STAT3: variants seen among roughly 807,000 people sequenced by gnomAD.
STAT3 encodes DNA-binding protein APRF.
STAT3 carries 7 observed loss-of-function variants against 114.3 expected under a neutral mutation model. That is an observed-to-expected ratio of 0.06 (90% CI 0.03 to 0.11). The LOEUF (loss-of-function observed/expected upper bound fraction) is 0.11, where lower values mean the gene tolerates loss of function less well. Among genes scored for constraint, STAT3 ranks in the 10% least tolerant of loss-of-function variants. The probability of loss-of-function intolerance (pLI) is 1.00; values close to 1 mark genes in which losing one functional copy is unlikely to be tolerated. For missense variants in STAT3, 364 were observed against 960.9 expected, an observed-to-expected ratio of 0.38 and a Z score of 8.21; for synonymous variants, 331 against 354.5, an observed-to-expected ratio of 0.93 and a Z score of 0.74.
rs188926829 is a variant in STAT3 at position 42,371,537 on chromosome 17, G to T, written c.-24+16742C>A. ...AAAAAAAAAAAAAAATTAGCCAGGC[G>T]TAGTGGCGGGCGCCTATAATCCCAG... On this transcript the variant is annotated intron_variant, in intron 1 of 23. Transcript: ENST00000264657. Among the ~76,000 whole-genome samples the T allele has an allele frequency of 9.9e-5, 15 of 151,264 alleles. No individual in the cohort carries two copies. In the East Asian group the frequency reaches 2.9e-3, roughly 29 times the overall value.
chr17:42,351,260 A>T lies in STAT3; in HGVS notation c.-23-2721T>A, dbSNP rs1030904068. Among the ~76,000 whole-genome samples, 10 of 151,702 alleles carry T rather than the reference A, an allele frequency of 6.6e-5. 1 individual carries two copies. The highest frequency in any genetic ancestry group is 6.8e-3 in the Middle Eastern group (2 of 292). ...AAAACATATTATTATTTATTTATTT[A>T]TTTTTTGGAGACAGGCACTCTGTCA... On this transcript the variant is annotated intron_variant, in intron 1 of 23. Coordinates refer to ENST00000264657, the MANE Select transcript of STAT3 (RefSeq NM_139276.3).
Position 42,333,377 on chromosome 17 carries a change from A to C in STAT3, c.1049+296T>G. Among the ~76,000 whole-genome samples, 1 of 152,140 alleles carries C rather than the reference A, an allele frequency of 6.6e-6. No individual in the cohort carries two copies. The highest frequency in any genetic ancestry group is 2.4e-5 in the African/African-American group (1 of 41,432). On this transcript the variant is annotated intron_variant, in intron 10 of 23. Coordinates refer to ENST00000264657, the MANE Select transcript of STAT3 (RefSeq NM_139276.3). This position sits in a 1 kb window ranked among gnomAD's most constrained non-coding sequence, Gnocchi z 5.2. ...ACAGGGAAGAGTAGCCTCAAAGAAC[A>C]GAAAATAGATGACATTATTTTGTCC...
At chr17:42,335,937 C>T (rs922627380) in intron 8 of STAT3, among the ~76,000 whole-genome samples, 1 of 151,990 alleles carries the variant, frequency 6.6e-6, no homozygotes, top group African/African-American at 2.4e-5. Context: ...GTAACAAAGA[C>T]CAAAAGACCA....
chr17:42,330,107 T>A (rs1298278371), intron 11 of STAT3, among the ~76,000 whole-genome samples: 1 of 149,130 alleles, frequency 6.7e-6, no homozygotes, highest in African/African-American at 2.6e-5. Context: ...GAATGCATTT[T>A]ATCTTTTCTT....
chr17:42,331,032 C>T (rs919583790), intron 11 of STAT3, among the ~76,000 whole-genome samples: 3 of 152,178 alleles, frequency 2.0e-5, no homozygotes, highest in South Asian at 2.1e-4. Context: ...TTACAGCCTA[C>T]GACCAGTAGG....
In STAT3 at chr17:42,316,987, A is replaced by G. The variant is rs1032888895; in HGVS notation, c.2145-86T>C. On this transcript the variant is annotated intron_variant, in intron 22 of 23. Transcript: ENST00000264657. ...AAAAAAAAGAACAAAACACACACACACAAGCCATCAAACTCTGGTCTCCAA... is the reference window on the plus strand; with the variant it reads ...AAAAAAAAGAACAAAACACACACACGCAAGCCATCAAACTCTGGTCTCCAA... The G allele has an allele frequency of 7.0e-6, 11 of 1,570,342 alleles. No homozygotes were observed. In the Admixed American group the frequency reaches 1.8e-4, roughly 25 times the overall value.
Position 42,314,665 on chromosome 17 carries a change from A to G in STAT3, c.*1080T>C, listed in dbSNP as rs2081187151. On this transcript the variant is annotated 3_prime_UTR_variant, in exon 24 of 24. Coordinates refer to ENST00000264657, the MANE Select transcript of STAT3 (RefSeq NM_139276.3). The stretch of plus-strand genomic sequence containing the variant: ...ATACATTACAAAGGAAAATAAGTCT[A>G]TTTATAAAAAAAAGTCTAAAATGCT... The G allele has an allele frequency of 4.4e-6, 1 of 225,614 alleles. No individual in the cohort carries two copies. Among genetic ancestry groups the G allele is most frequent in the Non-Finnish European group, 8.9e-6 (1 of 112,878 alleles). The allele number at this position is 225,614 out of a possible 1,614,324, so 14.0% of individuals were successfully genotyped here. A position where few individuals can be genotyped will look rare whatever the true frequency, so the allele number is the denominator to read the frequency against.
At chr17:42,364,342 A>C (rs2083667713) in intron 1 of STAT3, among the ~76,000 whole-genome samples, 1 of 152,194 alleles carries the variant, frequency 6.6e-6, no homozygotes, top group Non-Finnish European at 1.5e-5. Flanking sequence ...CAGGCTGCCA[A>C]ACTTTTCAAA....
At chr17:42,387,827 A>G in intron 1 of STAT3, 1 of 156,998 alleles carries the variant, frequency 6.4e-6, no homozygotes, top group Non-Finnish European at 1.4e-5. Flanking sequence ...GAGCGGGAAC[A>G]GGGCAAGCGG....
chr17:42,337,465 G>C lies in STAT3; in HGVS notation c.767C>G (p.Pro256Arg). 2 of 1,614,012 alleles carry C rather than the reference G, an allele frequency of 1.2e-6. No homozygotes were observed. Among genetic ancestry groups the C allele is most frequent in the Non-Finnish European group, 1.7e-6 (2 of 1,180,006 alleles). ...TTCTAGCCGATCTAGGCAGATGTTG[G>C]GCGGGCCTCCAATGCAGGCAATCTG... is the stretch of plus-strand genomic sequence containing the variant. ...RQQIACIGGP[P>R]NICLDRLENW... The change falls in exon 8 of 24, where the codon CCC becomes CGC. Residue 256 changes from proline to arginine, a missense_variant. Coordinates refer to ENST00000264657, the MANE Select transcript of STAT3 (RefSeq NM_139276.3). The surrounding 1 kb of genome is among the most constrained non-coding windows in gnomAD (Gnocchi z 4.0).
At chr17:42,332,153 C>G (rs912645733) in intron 10 of STAT3, among the ~76,000 whole-genome samples, 21 of 151,554 alleles carry the variant, frequency 1.4e-4, no homozygotes, top group African/African-American at 4.1e-4. Context: ...TCTCGAACTC[C>G]CGACCTCAGG....
chr17:42,364,457 A>T (rs1278149848), intron 1 of STAT3, among the ~76,000 whole-genome samples: 1 of 152,160 alleles, frequency 6.6e-6, no homozygotes, highest in East Asian at 1.9e-4. Flanking sequence ...ACCTGTGGGT[A>T]CTGTTATCTT....
intron 1 of STAT3, among the ~76,000 whole-genome samples, chr17:42,378,291 G>C (rs2084583992): frequency 1.3e-5 from 2 of 151,868 alleles, no homozygotes; most frequent in Non-Finnish European, 2.9e-5. Flanking sequence ...TGTTGCCCAG[G>C]CTGGAGTGCA....
At chr17:42,375,829 CAAAAAA>C (rs959659509) in intron 1 of STAT3, among the ~76,000 whole-genome samples, 2 of 116,988 alleles carry the variant, frequency 1.7e-5, no homozygotes, top group East Asian at 4.6e-4. Context: ...AACTCCATCT[CAAAAAA>C]AAAAAAGAAA....
At chr17:42,329,355 C>T (rs2144764204) in intron 14 of STAT3, 55 bp downstream of exon 14, 3 of 1,604,656 alleles carry the variant, frequency 1.9e-6, no homozygotes, top group East Asian at 2.2e-5. Context: ...GATCTTTACC[C>T]CTCTCTCCCT....
In STAT3 at chr17:42,324,939, C is replaced by G; in HGVS notation, c.1464+24G>C. The G allele has an allele frequency of 6.2e-7, 1 of 1,614,066 alleles. No homozygotes were observed. On this transcript the variant is annotated intron_variant, in intron 16 of 23. Coordinates refer to ENST00000264657, the MANE Select transcript of STAT3 (RefSeq NM_139276.3). The surrounding 1 kb of genome is among the most constrained non-coding windows in gnomAD (Gnocchi z 4.5). ...TAAGTCGCAAGAGATCCCGGGGCAC[C>G]AACTAAAAGGAGGGGGCACTAACCT...
chr17:42,316,702 C>T (rs1431990598), intron 23 of STAT3, 87 bp downstream of exon 23: 1 of 1,586,306 alleles, frequency 6.3e-7, no homozygotes, highest in Non-Finnish European at 8.6e-7. Flanking sequence ...TTCCGAGTGA[C>T]CAGCTCTCGG....
chr17:42,314,851 CTTTTT>C lies in STAT3; in HGVS notation c.*889_*893del, dbSNP rs754306251. The C allele has an allele frequency of 3.2e-4, 45 of 140,376 alleles. No individual in the cohort carries two copies. The highest frequency in any genetic ancestry group is 5.8e-4 in the East Asian group (5 of 8,574). 8.7% of individuals were successfully genotyped at this position (140,376 alleles called of 1,614,324 possible). On this transcript the variant is annotated 3_prime_UTR_variant, in exon 24 of 24. Transcript: ENST00000264657. The stretch of plus-strand genomic sequence containing the variant: ...CCAAGGAGGCTGTTAACTGAAGTTT[CTTTTT>C]TTTTTTTTTTTTTTTGAGACAGAGT...
At chr17:42,323,865 T>G (rs1250296937) in intron 17 of STAT3, among the ~76,000 whole-genome samples, 1 of 152,176 alleles carries the variant, frequency 6.6e-6, no homozygotes, top group Non-Finnish European at 1.5e-5. Flanking sequence ...CAAGTCCCCC[T>G]GCTCTTCCCA....
Sources: allele counts gnomAD v4.1 joint callset (sites outside exome capture counted in the v4.1 genomes callset), GRCh38; gene constraint gnomAD v4.1.1; non-coding constraint Gnocchi (gnomAD v3.1); transcripts MANE v1.5; gene names NCBI Gene and HGNC (gene_info 2026-07-23, HGNC 2026-07-21).